The following CLYBL variants were observed in gnomAD, a reference collection of about 807,000 sequenced individuals.
CLYBL encodes citramalyl-CoA lyase.
Under a neutral mutation model 38.9 loss-of-function variants are expected in CLYBL, and 31 were observed. That is an observed-to-expected ratio of 0.80 (90% CI 0.60 to 1.08). The LOEUF is 1.08. CLYBL is among the 50% of genes least tolerant of loss of function. The pLI is 0.00. For synonymous variants in CLYBL, 171 were observed against 158.6 expected (o/e 1.08, Z -0.59); for missense variants, 434 against 411.6 (o/e 1.05, Z -0.47).
At chr13:99,855,101 C>G (rs1473480850) in intron 2 of CLYBL, among the ~76,000 whole-genome samples, 1 of 152,150 alleles carries the variant, frequency 6.6e-6, no homozygotes, top group Non-Finnish European at 1.5e-5. Flanking sequence ...CTTCGAAGTT[C>G]TAATGTAACT....
intron 1 of CLYBL, among the ~76,000 whole-genome samples, chr13:99,754,881 C>T (rs1043629626): frequency 6.6e-6 from 1 of 151,216 alleles, no homozygotes; most frequent in Non-Finnish European, 1.5e-5. Flanking sequence ...CATGAGCCAC[C>T]CCACCCAGCC....
At chr13:99,665,357 A>G (rs1465936514) in intron 1 of CLYBL, among the ~76,000 whole-genome samples, 2 of 151,960 alleles carry the variant, frequency 1.3e-5, no homozygotes, top group Non-Finnish European at 2.9e-5. Flanking sequence ...TTTCTTAATA[A>G]TTAAAATTGT....
chr13:99,784,472 T>TTTTTTTTTG (rs2049739821), intron 2 of CLYBL, among the ~76,000 whole-genome samples: 1 of 126,748 alleles, frequency 7.9e-6, no homozygotes, highest in Non-Finnish European at 1.5e-5. Flanking sequence ...TTTTTTTTTT[T>TTTTTTTTTG]GAGATGGACT....
In CLYBL at chr13:99,608,061, CTTTTTTTTTTTTT is replaced by C. The variant is rs56149363; in HGVS notation, c.62+1317_62+1329del. On this transcript the variant is annotated intron_variant, in intron 1 of 8. Coordinates refer to ENST00000339105, the MANE Select transcript of CLYBL (RefSeq NM_206808.5). ...TGGCCGGCCTGGTGGTCTGGAACTT[CTTTTTTTTTTTTT>C]TTTTTTTTTTTTCCGAGATGGAGTT... Among the ~76,000 whole-genome samples the C allele has an allele frequency of 6.7e-5, 5 of 75,048 alleles. No individual in the cohort carries two copies. The South Asian group carries it at 2.8e-3, about 42-fold the overall frequency. The allele number at this position is 75,048 out of a possible 152,430, so 49.2% of individuals were successfully genotyped here.
chr13:99,846,373 G>C (rs1018273638), intron 2 of CLYBL, among the ~76,000 whole-genome samples: 1 of 142,794 alleles, frequency 7.0e-6, no homozygotes, highest in African/African-American at 2.6e-5. Context: ...CTCACTGCAA[G>C]CTCCGCCTGT....
intron 1 of CLYBL, among the ~76,000 whole-genome samples, chr13:99,716,580 C>T (rs1441196467): frequency 6.6e-6 from 1 of 151,174 alleles, no homozygotes; most frequent in Non-Finnish European, 1.5e-5. Context: ...GACAGGGTTT[C>T]ACCATGTTGG....
chr13:99,709,049 C>T (rs1248698998), intron 1 of CLYBL, among the ~76,000 whole-genome samples: 2 of 151,706 alleles, frequency 1.3e-5, no homozygotes, highest in African/African-American at 2.4e-5. Flanking sequence ...ACCGAGATAA[C>T]GCCACTGCAC....
At chr13:99,792,602 G>A (rs921523875) in intron 2 of CLYBL, among the ~76,000 whole-genome samples, 4 of 151,574 alleles carry the variant, frequency 2.6e-5, no homozygotes, top group African/African-American at 9.7e-5. Flanking sequence ...CACCCCTGGA[G>A]TTTCTCAACT....
intron 2 of CLYBL, 55 bp downstream of exon 2, chr13:99,773,065 T>G (rs1303555601): frequency 1.4e-5 from 20 of 1,472,828 alleles, no homozygotes; most frequent in Non-Finnish European, 1.8e-5. Flanking sequence ...TTGCTTCTCT[T>G]CCGAATAGTG....
At chr13:99,818,446 A>AACACACACACACACACACACACACACAC (rs57249330) in intron 2 of CLYBL, among the ~76,000 whole-genome samples, 1 of 143,220 alleles carries the variant, frequency 7.0e-6, no homozygotes, top group African/African-American at 2.6e-5. Context: ...TGGAGCAGAA[A>AACACACACACACACACACACACACACAC]ACACACACAC....
intron 1 of CLYBL, among the ~76,000 whole-genome samples, chr13:99,650,127 G>T (rs923162612): frequency 3.9e-5 from 6 of 152,126 alleles, no homozygotes; most frequent in African/African-American, 1.4e-4. Context: ...GCTGGGCGTG[G>T]TGGCGGGCGC....
At chr13:99,810,403 G>A (rs1306316855) in intron 2 of CLYBL, among the ~76,000 whole-genome samples, 2 of 152,242 alleles carry the variant, frequency 1.3e-5, no homozygotes, top group African/African-American at 4.8e-5. Context: ...ACTAGACAAA[G>A]TGTGGGGTAC....
chr13:99,743,247 A>G (rs999957908), intron 1 of CLYBL, among the ~76,000 whole-genome samples: 2 of 151,994 alleles, frequency 1.3e-5, no homozygotes, highest in Non-Finnish European at 2.9e-5. Context: ...ATTCTTTTTG[A>G]TTGATGCTGC....
intron 2 of CLYBL, among the ~76,000 whole-genome samples, chr13:99,818,776 T>A (rs2050513056): frequency 6.6e-6 from 1 of 152,230 alleles, no homozygotes; most frequent in African/African-American, 2.4e-5. Flanking sequence ...TTGTACTTAG[T>A]TGCAGTAACA....
chr13:99,870,454 TG>T (rs754132208), intron 6 of CLYBL, among the ~76,000 whole-genome samples: 4,470 of 152,318 alleles, frequency 0.029, no homozygotes, highest in Non-Finnish European at 0.045. Flanking sequence ...GTAAGCTTTA[TG>T]AAAACCAGCA....
intron 2 of CLYBL, among the ~76,000 whole-genome samples, chr13:99,857,266 G>C (rs1346721813): frequency 6.6e-6 from 1 of 152,120 alleles, no homozygotes; most frequent in African/African-American, 2.4e-5. Context: ...AGTGAGCCGA[G>C]ATTGCGCCAC....
intron 1 of CLYBL, among the ~76,000 whole-genome samples, chr13:99,617,289 C>CT (rs71699921): frequency 0.044 from 6,590 of 150,128 alleles, 500 homozygotes; most frequent in African/African-American, 0.15. Context: ...AAAATTGGCA[C>CT]TTTTTTTTTT....
At chr13:99,863,363 T>G (rs547821870) in intron 4 of CLYBL, among the ~76,000 whole-genome samples, 1 of 152,368 alleles carries the variant, frequency 6.6e-6, no homozygotes, top group African/African-American at 2.4e-5. Context: ...CAATTTTAAC[T>G]AATCACTGTG....
rs553629480 is a variant in CLYBL at position 99,638,775 on chromosome 13, G to A, written c.62+32018G>A. On this transcript the variant is annotated intron_variant, in intron 1 of 8. Transcript: ENST00000339105. ...TAAGTTACTTGCCTGAGGTAACTTA[G>A]CATTGATAGAATTAGGATTTGAACC... Among the ~76,000 whole-genome samples, 5 of 152,334 alleles carry A rather than the reference G, an allele frequency of 3.3e-5. No homozygotes were observed. The South Asian group carries it at 8.3e-4, about 25-fold the overall frequency.
Sources: allele counts gnomAD v4.1 joint callset (sites outside exome capture counted in the v4.1 genomes callset), GRCh38; gene constraint gnomAD v4.1.1; transcripts MANE v1.5; gene names NCBI Gene and HGNC (gene_info 2026-07-23, HGNC 2026-07-21).